Variants in NRG3 observed in about 807,000 individuals in gnomAD.
NRG3 encodes the protein pro-neuregulin-3, membrane-bound isoform.
Under a neutral mutation model 66.9 loss-of-function variants are expected in NRG3, and 31 were observed. The observed-to-expected ratio is 0.46, with a 90% CI of 0.35 to 0.63. The LOEUF (loss-of-function observed/expected upper bound fraction) is 0.63. Among genes scored for constraint, NRG3 ranks in the 20% least tolerant of loss-of-function variants. The pLI is 0.00. For missense variants in NRG3, 910 were observed against 878.9 expected (o/e 1.04, Z -0.45); for synonymous variants, 393 against 359.4 (o/e 1.09, Z -1.06).
At chr10:82,788,706 T>G (rs1326260546) in intron 3 of NRG3, among the ~76,000 whole-genome samples, 1 of 152,190 alleles carries the variant, frequency 6.6e-6, no homozygotes, top group Non-Finnish European at 1.5e-5. Flanking sequence ...GTTATTTTAT[T>G]TAACCCTCAC....
chr10:82,560,534 A>T (rs10884932), intron 2 of NRG3, among the ~76,000 whole-genome samples: 13,984 of 150,956 alleles, frequency 0.093, 1,308 homozygotes, highest in African/African-American at 0.23. Context: ...TATTAATTTG[A>T]TTGCTTCTTT....
intron 1 of NRG3, among the ~76,000 whole-genome samples, chr10:82,221,412 C>T (rs912247826): frequency 6.6e-6 from 1 of 152,102 alleles, no homozygotes; most frequent in African/African-American, 2.4e-5. Context: ...CCTTCCAGCC[C>T]CCCTCCATAA....
chr10:82,642,957 A>G (rs999141182), intron 2 of NRG3, among the ~76,000 whole-genome samples: 4 of 152,114 alleles, frequency 2.6e-5, no homozygotes, highest in African/African-American at 7.2e-5. Flanking sequence ...AAAAATGTGT[A>G]TGGATAAAGT....
intron 1 of NRG3, among the ~76,000 whole-genome samples, chr10:81,979,290 A>G (rs1003878859): frequency 2.6e-5 from 4 of 151,846 alleles, no homozygotes; most frequent in African/African-American, 9.7e-5. Context: ...CAGAGTCTCT[A>G]TGGGAAATAT....
At chr10:82,449,109 G>C (rs1379060888) in intron 2 of NRG3, among the ~76,000 whole-genome samples, 1 of 152,162 alleles carries the variant, frequency 6.6e-6, no homozygotes, top group African/African-American at 2.4e-5. Context: ...GACTCTTTCT[G>C]CGAGCCTAGG....
chr10:82,957,679 C>G (rs934330912), intron 5 of NRG3, among the ~76,000 whole-genome samples: 2 of 151,868 alleles, frequency 1.3e-5, no homozygotes, highest in African/African-American at 4.9e-5. Flanking sequence ...AACTTCCTGT[C>G]CACCCTTGGA....
intron 1 of NRG3, among the ~76,000 whole-genome samples, chr10:82,084,603 G>A (rs1285606997): frequency 1.3e-5 from 2 of 151,388 alleles, no homozygotes; most frequent in Non-Finnish European, 1.5e-5. Context: ...GTGACATGCC[G>A]TAGTCAAGAA....
At chr10:82,516,752 A>T (rs551806543) in intron 2 of NRG3, among the ~76,000 whole-genome samples, 7 of 152,236 alleles carry the variant, frequency 4.6e-5, no homozygotes, top group African/African-American at 1.2e-4. Flanking sequence ...CAGATTCATT[A>T]TGTATTTTTA....
intron 2 of NRG3, among the ~76,000 whole-genome samples, chr10:82,429,104 T>C (rs1334724026): frequency 6.6e-6 from 1 of 152,026 alleles, no homozygotes; most frequent in Non-Finnish European, 1.5e-5. Context: ...AGTAGCAAAT[T>C]AATGTCAAAG....
chr10:82,642,622 C>A (rs1271727031), intron 2 of NRG3, among the ~76,000 whole-genome samples: 2 of 149,934 alleles, frequency 1.3e-5, no homozygotes, highest in African/African-American at 5.0e-5. Flanking sequence ...AAAAAAAAAA[C>A]CCTGGTTCTT....
At chr10:82,625,603 A>G (rs1444800188) in intron 2 of NRG3, among the ~76,000 whole-genome samples, 1 of 152,124 alleles carries the variant, frequency 6.6e-6, no homozygotes, top group Non-Finnish European at 1.5e-5. Context: ...CTTGTTTTCC[A>G]TCTGTCTGGT....
In NRG3 at chr10:82,368,726, A is replaced by T. The variant is rs546977551; in HGVS notation, c.953+9858A>T. ...TTTTGTATCCCAGATAAAATTATATAGTTTAAGTGGATTATGGATTATTTC... is the reference window on the plus strand; with the variant it reads ...TTTTGTATCCCAGATAAAATTATATTGTTTAAGTGGATTATGGATTATTTC... On this transcript the variant is annotated intron_variant, in intron 2 of 8. Transcript: ENST00000372141. Among the ~76,000 whole-genome samples the T allele has an allele frequency of 1.4e-5, 2 of 138,570 alleles. 1 individual carries two copies. Among genetic ancestry groups the T allele is most frequent in the African/African-American group, 6.7e-5 (2 of 29,924 alleles). The allele number at this position is 138,570 out of a possible 152,430, so 90.9% of individuals were successfully genotyped here.
chr10:81,900,608 C>T lies in NRG3; in HGVS notation c.823+24445C>T, dbSNP rs537845467. On this transcript the variant is annotated intron_variant, in intron 1 of 8. Coordinates refer to ENST00000372141, the MANE Select transcript of NRG3 (RefSeq NM_001010848.4). Reference sequence around the variant, plus strand: ...CTGAAAATTTCATTTAGCTGAATTCCTGGAAAATGCTTAAGATATTTACAT... The same window carrying T: ...CTGAAAATTTCATTTAGCTGAATTCTTGGAAAATGCTTAAGATATTTACAT... Among the ~76,000 whole-genome samples the T allele has an allele frequency of 3.9e-4, 60 of 152,268 alleles. 1 individual carries two copies. Among genetic ancestry groups the T allele is most frequent in the Admixed American group, 3.9e-3 (59 of 15,294 alleles).
intron 2 of NRG3, among the ~76,000 whole-genome samples, chr10:82,638,293 T>C (rs1212590360): frequency 6.6e-6 from 1 of 152,190 alleles, no homozygotes; most frequent in African/African-American, 2.4e-5. Context: ...GCAAATTATA[T>C]CTGTACTGGA....
intron 3 of NRG3, among the ~76,000 whole-genome samples, chr10:82,863,023 C>A (rs551617037): frequency 3.9e-5 from 6 of 152,084 alleles, no homozygotes; most frequent in Non-Finnish European, 8.8e-5. Flanking sequence ...CCCTTACCCC[C>A]CAACAGGCCC....
In NRG3 at chr10:82,528,047, C is replaced by A. The variant is rs148209875; in HGVS notation, c.953+169179C>A. ...TGTGGCACACCCTCCTTTCCCCCAGCCTTCCTTCCCACTTGTGACAACAAT... is the reference window on the plus strand; with the variant it reads ...TGTGGCACACCCTCCTTTCCCCCAGACTTCCTTCCCACTTGTGACAACAAT... On this transcript the variant is annotated intron_variant, in intron 2 of 8. Coordinates refer to ENST00000372141, the MANE Select transcript of NRG3 (RefSeq NM_001010848.4). 1.8e-3 allele frequency among the ~76,000 whole-genome samples: 276 copies of A among 152,230 alleles called. 1 individual carries two copies. The highest frequency in any genetic ancestry group is 6.8e-3 in the Middle Eastern group (2 of 294).
At chr10:82,847,882 T>G (rs1303454962) in intron 3 of NRG3, among the ~76,000 whole-genome samples, 2 of 152,206 alleles carry the variant, frequency 1.3e-5, no homozygotes, top group Non-Finnish European at 2.9e-5. Flanking sequence ...CCTCACAAGG[T>G]TCACAGAGCA....
intron 3 of NRG3, among the ~76,000 whole-genome samples, chr10:82,820,288 G>A (rs901409698): frequency 2.0e-5 from 3 of 152,128 alleles, no homozygotes; most frequent in African/African-American, 7.2e-5. Flanking sequence ...ATTGCTGTGA[G>A]GATTAGGTGA....
chr10:81,875,400 G>T lies in NRG3; in HGVS notation c.60G>T (p.Ser20=). The T allele has an allele frequency of 2.0e-6, 2 of 1,007,238 alleles. No individual in the cohort carries two copies. The highest frequency in any genetic ancestry group is 2.4e-6 in the Non-Finnish European group (2 of 846,188). The allele number at this position is 1,007,238 out of a possible 1,614,324, so 62.4% of individuals were successfully genotyped here. ...PPGAASAAAA[S]AEEGTAAAAA... is the part of the protein sequence containing the mutation. ...GTGCCGCTTCGGCAGCCGCCGCCTC[G>T]GCCGAGGAGGGCACCGCGGCGGCTG... Residue 20 remains serine, a synonymous_variant, in exon 1 of 9, where the codon TCG becomes TCT. Coordinates refer to ENST00000372141, the MANE Select transcript of NRG3 (RefSeq NM_001010848.4). The surrounding 1 kb of genome is among the most constrained non-coding windows in gnomAD (Gnocchi z 5.3).
Sources: gnomAD v4.1 joint callset for allele counts (sites outside exome capture counted in the v4.1 genomes callset) on GRCh38, gnomAD v4.1.1 for gene constraint, Gnocchi (gnomAD v3.1) non-coding constraint, MANE v1.5 for transcripts, NCBI Gene and HGNC (gene_info 2026-07-23, HGNC 2026-07-21) for gene names.